The following USP6NL variants were observed in gnomAD, a reference collection of about 807,000 sequenced individuals.
The protein encoded by USP6NL is USP6 N-terminal-like protein.
USP6NL carries 26 observed loss-of-function variants against 61.9 expected under a neutral mutation model. The ratio of observed to expected loss-of-function variants is 0.42; its 90% CI spans 0.31 to 0.58. The LOEUF is 0.58. Ranked by LOEUF, USP6NL falls within the 20% of genes least tolerant of loss-of-function variation. USP6NL has a pLI of 0.16. For synonymous variants in USP6NL, 432 were observed against 390.1 expected (o/e 1.11, Z -1.27); for missense variants, 1,114 against 1,034.3 (o/e 1.08, Z -1.06).
At chr10:11,508,934 T>G (rs569189649) in intron 6 of USP6NL, among the ~76,000 whole-genome samples, 3 of 152,370 alleles carry the variant, frequency 2.0e-5, no homozygotes, top group African/African-American at 7.2e-5. Flanking sequence ...TTGCCACTGA[T>G]GATATTTGAC....
chr10:11,493,251 G>C, intron 7 of USP6NL, 23 bp from the exon 8 acceptor site: 1 of 1,566,782 alleles, frequency 6.4e-7, no homozygotes, highest in East Asian at 2.3e-5. Flanking sequence ...AGAGAGAACA[G>C]AACAGATTTT....
At chr10:11,522,853 G>A (rs540469015) in intron 4 of USP6NL, among the ~76,000 whole-genome samples, 1 of 152,350 alleles carries the variant, frequency 6.6e-6, no homozygotes, top group East Asian at 1.9e-4. Flanking sequence ...GCAACAGGCA[G>A]CATACTGTAG....
In USP6NL at chr10:11,463,009, C is replaced by T. The variant is rs769995555; in HGVS notation, c.1919G>A (p.Gly640Glu). ...AGTAGGGAAGTGTTTGGGAGAGTTT[C>T]CGTGGTAAACGGGGGGATTGCTGTA... ...PSYSNPPVYH[G>E]NSPKHFPTAN... is the part of the protein sequence containing the mutation. Residue 640 changes from glycine to glutamate, a missense_variant, in exon 15 of 15, where the codon GGA (glycine) becomes GAA (glutamate). Gly to Glu is a moderately conservative substitution (Grantham distance 98). Coordinates refer to ENST00000609104, the MANE Select transcript of USP6NL (RefSeq NM_014688.5). The surrounding 1 kb of genome is among the most constrained non-coding windows in gnomAD (Gnocchi z 6.3). 5 of 1,613,840 alleles carry T rather than the reference C, an allele frequency of 3.1e-6. No individual in the cohort carries two copies. The South Asian group carries it at 4.4e-5, about 14-fold the overall frequency.
chr10:11,471,413 T>C (rs1018492711), intron 14 of USP6NL, among the ~76,000 whole-genome samples: 4 of 152,174 alleles, frequency 2.6e-5, no homozygotes, highest in Non-Finnish European at 5.9e-5. Context: ...TGGAAGTCAG[T>C]GTGGCGATTC....
At chr10:11,531,122 G>A (rs1175285642) in intron 2 of USP6NL, among the ~76,000 whole-genome samples, 11 of 152,138 alleles carry the variant, frequency 7.2e-5, no homozygotes, top group Admixed American at 7.2e-4. Context: ...CACACCGCAT[G>A]TTTATGCTCT....
chr10:11,483,242 A>G (rs1833280093), intron 13 of USP6NL, among the ~76,000 whole-genome samples: 2 of 152,064 alleles, frequency 1.3e-5, no homozygotes, highest in Admixed American at 6.5e-5. Context: ...ATTTAGTCTA[A>G]TGATACGGTA....
chr10:11,605,823 A>G (rs952137530), intron 1 of USP6NL, among the ~76,000 whole-genome samples: 4 of 152,200 alleles, frequency 2.6e-5, no homozygotes, highest in South Asian at 2.1e-4. Context: ...ATTCAAAACA[A>G]AAAAGATACA....
At position 11,462,652 on chromosome 10, in the gene USP6NL, C is replaced by A; in HGVS notation, c.2276G>T (p.Gly759Val). 1.2e-6 allele frequency: 2 copies of A among 1,613,950 alleles called. No individual in the cohort carries two copies. The highest frequency in any genetic ancestry group is 1.7e-6 in the Non-Finnish European group (2 of 1,179,886). The change falls in exon 15 of 15, where the codon GGC becomes GTC. Residue 759 changes from glycine to valine, a missense_variant. By Grantham distance (109) the Gly-to-Val change is moderately radical. Transcript: ENST00000609104. ...AAAGGCTGAGTATTTTGGTAAATTGCCACGGCTAGCATCTCGGGTCCATGA... is the reference window on the plus strand; with the variant it reads ...AAAGGCTGAGTATTTTGGTAAATTGACACGGCTAGCATCTCGGGTCCATGA... ...GQSWTRDASRGNLPKYSAFQL... is the reference protein window; with the variant it reads ...GQSWTRDASRVNLPKYSAFQL...
intron 2 of USP6NL, among the ~76,000 whole-genome samples, chr10:11,560,018 A>AT (rs974973529): frequency 1.3e-5 from 2 of 152,190 alleles, no homozygotes; most frequent in Admixed American, 1.3e-4. Context: ...ATTATAAAAG[A>AT]TTTTTTTAAA....
chr10:11,533,761 G>A (rs549927010), intron 2 of USP6NL, among the ~76,000 whole-genome samples: 140 of 152,280 alleles, frequency 9.2e-4, no homozygotes, highest in African/African-American at 3.2e-3. Context: ...CCAAGTTTGT[G>A]GTAAGTCATG....
At chr10:11,524,136 G>C (rs1055847486) in intron 4 of USP6NL, among the ~76,000 whole-genome samples, 3 of 152,140 alleles carry the variant, frequency 2.0e-5, no homozygotes, top group African/African-American at 7.2e-5. Context: ...TTATTCTAGT[G>C]AAGTTCAAAG....
At chr10:11,529,620 A>G (rs1337418093) in intron 2 of USP6NL, among the ~76,000 whole-genome samples, 1 of 152,244 alleles carries the variant, frequency 6.6e-6, no homozygotes, top group Non-Finnish European at 1.5e-5. Flanking sequence ...ATGATTCAAT[A>G]AAATAAAAAT....
At chr10:11,522,546 C>T (rs1297612810) in intron 4 of USP6NL, among the ~76,000 whole-genome samples, 1 of 152,180 alleles carries the variant, frequency 6.6e-6, no homozygotes, top group Non-Finnish European at 1.5e-5. Flanking sequence ...TTTAATAAGG[C>T]TTGACATTAC....
chr10:11,608,533 CT>C (rs1838779302), intron 1 of USP6NL, among the ~76,000 whole-genome samples: 1 of 152,200 alleles, frequency 6.6e-6, no homozygotes, highest in African/African-American at 2.4e-5. Flanking sequence ...ACACCCGCCT[CT>C]TTTTTTCAGC....
Position 11,489,054 on chromosome 10 carries a change from C to T in USP6NL, c.664+48G>A. 1 of 1,600,622 alleles carries T rather than the reference C, an allele frequency of 6.2e-7. No individual in the cohort carries two copies. The highest frequency in any genetic ancestry group is 8.5e-7 in the Non-Finnish European group (1 of 1,171,742). Reference sequence around the variant, plus strand: ...GCATCTTTGGTTTTGTTTTAATCTACTTTTTTCCCTACCTTGATTGTTTAG... The same window carrying T: ...GCATCTTTGGTTTTGTTTTAATCTATTTTTTTCCCTACCTTGATTGTTTAG... On this transcript the variant is annotated intron_variant, in intron 10 of 14. Transcript: ENST00000609104. The surrounding 1 kb of genome is among the most constrained non-coding windows in gnomAD (Gnocchi z 5.7).
Position 11,525,323 on chromosome 10 carries a change from T to A in USP6NL, c.155+63A>T, listed in dbSNP as rs931531547. On this transcript the variant is annotated intron_variant, in intron 4 of 14. Coordinates refer to ENST00000609104, the MANE Select transcript of USP6NL (RefSeq NM_014688.5). This position sits in a 1 kb window ranked among gnomAD's most constrained non-coding sequence, Gnocchi z 5.0. ...TTATATTAAAAATAAAGAAAATCAATATAATAGGTGACCACAGAAACGTTA... is the reference window on the plus strand; with the variant it reads ...TTATATTAAAAATAAAGAAAATCAAAATAATAGGTGACCACAGAAACGTTA... 1 of 1,318,574 alleles carries A rather than the reference T, an allele frequency of 7.6e-7. No individual in the cohort carries two copies. The highest frequency in any genetic ancestry group is 1.5e-5 in the African/African-American group (1 of 65,964). The allele number at this position is 1,318,574 out of a possible 1,614,324, so 81.7% of individuals were successfully genotyped here.
At chr10:11,464,417 T>G (rs1382865170) in intron 14 of USP6NL, among the ~76,000 whole-genome samples, 1 of 152,206 alleles carries the variant, frequency 6.6e-6, no homozygotes, top group South Asian at 2.1e-4. Context: ...AGGCCTGCGA[T>G]AGGCAGACAG....
chr10:11,476,096 T>A lies in USP6NL; in HGVS notation c.1078+5674A>T, dbSNP rs4747915. Among the ~76,000 whole-genome samples the A allele has an allele frequency of 0.32, 48,033 of 151,946 alleles. 7,897 individuals carry two copies. The highest frequency in any genetic ancestry group is 0.5 in the South Asian group (2,397 of 4,806). Reference sequence around the variant, plus strand: ...GGTGAAGAGGGGGGAAGAGGAAAGGTGTACTGCTCCCTGTCAAGCGACTTA... The same window carrying A: ...GGTGAAGAGGGGGGAAGAGGAAAGGAGTACTGCTCCCTGTCAAGCGACTTA... On this transcript the variant is annotated intron_variant, in intron 14 of 14. Transcript: ENST00000609104. This position sits in a 1 kb window ranked among gnomAD's most constrained non-coding sequence, Gnocchi z 4.3.
Position 11,463,823 on chromosome 10 carries a change from G to A in USP6NL, c.1105C>T (p.Pro369Ser). ...PGKEDEYPKK[P>S]LGQLPPELQS... ...AGTTCAGGTGGAAGCTGCCCCAAGG[G>A]CTTCTTTGGATATTCATCCTCTTTA... Residue 369 changes from proline to serine, a missense_variant, in exon 15 of 15, where the codon CCC becomes TCC. Coordinates refer to ENST00000609104, the MANE Select transcript of USP6NL (RefSeq NM_014688.5). This position sits in a 1 kb window ranked among gnomAD's most constrained non-coding sequence, Gnocchi z 6.3. The A allele has an allele frequency of 6.8e-7, 1 of 1,469,284 alleles. No homozygotes were observed. The highest frequency in any genetic ancestry group is 9.0e-7 in the Non-Finnish European group (1 of 1,110,094). The allele number at this position is 1,469,284 out of a possible 1,614,324, so 91.0% of individuals were successfully genotyped here.
Sources: allele counts gnomAD v4.1 joint callset (sites outside exome capture counted in the v4.1 genomes callset), GRCh38; gene constraint gnomAD v4.1.1; non-coding constraint Gnocchi (gnomAD v3.1); transcripts MANE v1.5; gene names NCBI Gene and HGNC (gene_info 2026-07-23, HGNC 2026-07-21).